The following LRP2 variants were observed in gnomAD, a reference collection of about 807,000 sequenced individuals.
LRP2 encodes low-density lipoprotein receptor-related protein 2.
LRP2 carries 172 observed loss-of-function variants against 531.0 expected under a neutral mutation model. The observed-to-expected ratio is 0.32, with a 90% CI of 0.29 to 0.37. LRP2 has a LOEUF of 0.37. Among genes scored for constraint, LRP2 ranks in the 10% least tolerant of loss-of-function variants. The pLI, the probability that LRP2 is intolerant of heterozygous loss-of-function variation, is 1.00. For missense variants in LRP2, 5,167 were observed against 5,868.3 expected (o/e 0.88, Z 3.90); for synonymous variants, 1,992 against 2,027.6 (o/e 0.98, Z 0.47).
At chr2:169,281,643 G>A (rs936494865) in intron 10 of LRP2, among the ~76,000 whole-genome samples, 3 of 151,768 alleles carry the variant, frequency 2.0e-5, no homozygotes, top group Non-Finnish European at 4.4e-5. Context: ...GCCTGAACCC[G>A]GGAGGCGGAG....
At position 169,201,695 on chromosome 2, in the gene LRP2, A is replaced by G. The variant is rs756389167; in HGVS notation, c.8385T>C (p.Pro2795=). The G allele has an allele frequency of 1.9e-6, 3 of 1,614,204 alleles. No individual in the cohort carries two copies. Among genetic ancestry groups the G allele is most frequent in the African/African-American group, 1.3e-5 (1 of 75,048 alleles). The change falls in exon 44 of 79, where the codon CCT becomes CCC. Residue 2795 remains proline, a synonymous_variant. Coordinates refer to ENST00000649046, the MANE Select transcript of LRP2 (RefSeq NM_004525.3). ...EFMCNNRRCI[P]REFICNGVDN... Reference sequence around the variant, plus strand: ...CTACACCATTGCAGATAAACTCACGAGGTATGCACCTTCTGTTATTGCACA... The same window carrying G: ...CTACACCATTGCAGATAAACTCACGGGGTATGCACCTTCTGTTATTGCACA...
At chr2:169,322,090 A>G (rs565337864) in intron 1 of LRP2, among the ~76,000 whole-genome samples, 2 of 152,344 alleles carry the variant, frequency 1.3e-5, no homozygotes, top group East Asian at 3.9e-4. Context: ...AAGAATAATT[A>G]TATCTTCCCC....
intron 9 of LRP2, among the ~76,000 whole-genome samples, chr2:169,283,974 T>A (rs1236721649): frequency 1.3e-5 from 2 of 152,172 alleles, no homozygotes; most frequent in African/African-American, 4.8e-5. Flanking sequence ...CCACTCTCCA[T>A]CATCCTTCAC....
intron 3 of LRP2, among the ~76,000 whole-genome samples, chr2:169,313,347 T>C (rs1377478108): frequency 6.6e-6 from 1 of 152,214 alleles, no homozygotes; most frequent in Non-Finnish European, 1.5e-5. Context: ...TGATTTTATC[T>C]ACCTTTGGTC....
intron 12 of LRP2, 68 bp from the exon 13 acceptor site, chr2:169,278,019 CAG>C: frequency 7.7e-7 from 1 of 1,305,026 alleles, no homozygotes; most frequent in Non-Finnish European, 1.1e-6. Context: ...TTTTTTTTAA[CAG>C]TGTGTTTGGA....
intron 19 of LRP2, among the ~76,000 whole-genome samples, chr2:169,254,642 A>AT (rs1374461615): frequency 6.8e-5 from 6 of 88,210 alleles, no homozygotes; most frequent in African/African-American, 1.9e-4. Context: ...TTAGAGTATA[A>AT]TAAAAAAAAA....
intron 3 of LRP2, among the ~76,000 whole-genome samples, chr2:169,310,298 C>T (rs58574368): frequency 0.42 from 63,942 of 151,810 alleles, 14,352 homozygotes; most frequent in African/African-American, 0.59. Context: ...AGGGAATGCT[C>T]CCAGTTTTTG....
chr2:169,302,154 T>A (rs1192679511), intron 4 of LRP2, among the ~76,000 whole-genome samples: 1 of 143,608 alleles, frequency 7.0e-6, no homozygotes, highest in Middle Eastern at 3.4e-3. Flanking sequence ...TGAAGATGAT[T>A]TCTGGCTAAG....
Position 169,154,569 on chromosome 2 carries a change from G to C in LRP2, c.12186C>G (p.Val4062=), listed in dbSNP as rs770722926. 1 of 1,613,532 alleles carries C rather than the reference G, an allele frequency of 6.2e-7. No homozygotes were observed. The highest frequency in any genetic ancestry group is 8.5e-7 in the Non-Finnish European group (1 of 1,179,634). ...ATGAGAGATTATATTTTCGAATTCG[G>C]ACATTGTCAGGCAGTAGCAACAAAG... ...SSPLLLLPDN[V]RIRKYNLSSE... Residue 4062 remains valine, a synonymous_variant, in exon 66 of 79, where the codon GTC becomes GTG. Coordinates refer to ENST00000649046, the MANE Select transcript of LRP2 (RefSeq NM_004525.3).
chr2:169,213,197 C>T (rs1213419327), intron 36 of LRP2, among the ~76,000 whole-genome samples: 4 of 152,112 alleles, frequency 2.6e-5, no homozygotes, highest in Admixed American at 6.6e-5. Context: ...CTTTTTAAGA[C>T]TAAAAATTCC....
chr2:169,312,725 A>G (rs749579917), intron 3 of LRP2, among the ~76,000 whole-genome samples: 6 of 152,066 alleles, frequency 3.9e-5, no homozygotes, highest in Non-Finnish European at 8.8e-5. Context: ...CATTCTCTGT[A>G]TTTCCTGAAT....
rs751137689 is a variant in LRP2 at position 169,154,442 on chromosome 2, G to T, written c.12295+18C>A. The T allele has an allele frequency of 6.2e-7, 1 of 1,607,678 alleles. No individual in the cohort carries two copies. Among genetic ancestry groups the T allele is most frequent in the South Asian group, 1.1e-5 (1 of 90,932 alleles). On this transcript the variant is annotated intron_variant, in intron 66 of 78. Coordinates refer to ENST00000649046, the MANE Select transcript of LRP2 (RefSeq NM_004525.3). ...AAGTCACTTAATATCAATGAAAGAT[G>T]CCAAAGTTTATACTCACTGAGGCCT...
intron 45 of LRP2, 129 bp downstream of exon 45, chr2:169,198,657 C>T: frequency 4.6e-6 from 5 of 1,086,730 alleles, no homozygotes; most frequent in Non-Finnish European, 6.8e-6. Flanking sequence ...CTGCCTACCA[C>T]CTCTACTTAG....
At chr2:169,245,480 T>C (rs1034066782) in intron 21 of LRP2, among the ~76,000 whole-genome samples, 7 of 152,146 alleles carry the variant, frequency 4.6e-5, no homozygotes, top group Non-Finnish European at 8.8e-5. Flanking sequence ...TTCAGAAAAA[T>C]GTACAAGTGA....
chr2:169,146,259 C>T (rs965182505), intron 69 of LRP2, among the ~76,000 whole-genome samples: 2 of 152,158 alleles, frequency 1.3e-5, no homozygotes, highest in East Asian at 1.9e-4. Context: ...GAACATAAGA[C>T]ATCTATCTGA....
intron 63 of LRP2, among the ~76,000 whole-genome samples, chr2:169,160,893 A>G (rs1686560068): frequency 2.0e-5 from 3 of 152,188 alleles, no homozygotes; most frequent in Non-Finnish European, 4.4e-5. Context: ...TGTGAAATAA[A>G]TGGCAAGCCA....
Position 169,237,154 on chromosome 2 carries a change from A to G in LRP2, c.4640T>C (p.Ile1547Thr). The change falls in exon 28 of 79, where the codon ATT becomes ACT. Residue 1547 changes from isoleucine (I) to threonine (T), a missense_variant. Ile to Thr is a moderately conservative substitution (Grantham distance 89, BLOSUM62 -1). This residue lies in a region of LRP2 where 2,811 missense variants were observed against 3,058.0 expected (regional missense o/e 0.92). Transcript: ENST00000649046. ...TCTTGGATTTGTTAGGTTTTTACTA[A>G]TCAGCACAGTCCTGTGGCTCCCATC... The part of the protein sequence containing the change: ...KIDGSHRTVL[I>T]SKNLTNPRGL... 1 of 1,614,024 alleles carries G rather than the reference A, an allele frequency of 6.2e-7. No individual in the cohort carries two copies. The highest frequency in any genetic ancestry group is 8.5e-7 in the Non-Finnish European group (1 of 1,179,946).
intron 45 of LRP2, 72 bp from the exon 46 acceptor site, chr2:169,197,102 C>T: frequency 6.4e-7 from 1 of 1,571,864 alleles, no homozygotes; most frequent in Non-Finnish European, 8.7e-7. Context: ...AACAATCTGC[C>T]TCTATCTCTG....
intron 63 of LRP2, among the ~76,000 whole-genome samples, chr2:169,157,865 T>G (rs1234412964): frequency 6.6e-6 from 1 of 150,880 alleles, no homozygotes; most frequent in Non-Finnish European, 1.5e-5. Context: ...AATAGATAGA[T>G]CAATAGATAG....
Sources: gnomAD v4.1 joint callset for allele counts (sites outside exome capture counted in the v4.1 genomes callset) on GRCh38, gnomAD v4.1.1 for gene constraint, gnomAD v4.1.1 regional missense constraint, MANE v1.5 for transcripts, NCBI Gene and HGNC (gene_info 2026-07-23, HGNC 2026-07-21) for gene names.